UNC5D: variants seen among roughly 807,000 people sequenced by gnomAD.
UNC5D encodes netrin receptor UNC5D.
UNC5D carries 39 observed loss-of-function variants against 105.4 expected under a neutral mutation model. The ratio of observed to expected loss-of-function variants is 0.37; its 90% CI spans 0.29 to 0.48. The LOEUF (loss-of-function observed/expected upper bound fraction) is 0.48. UNC5D is among the 20% of genes least tolerant of loss of function. UNC5D has a pLI of 0.98. For missense variants in UNC5D, 991 were observed against 1,202.4 expected (o/e 0.82, Z 2.60); for synonymous variants, 452 against 450.4 (o/e 1.00, Z -0.04).
At chr8:35,432,402 TTCTTTC>T (rs1334841868) in intron 1 of UNC5D, among the ~76,000 whole-genome samples, 1 of 152,180 alleles carries the variant, frequency 6.6e-6, no homozygotes, top group East Asian at 1.9e-4. Context: ...ATGTTTAATT[TTCTTTC>T]TCTTGTTTTA....
intron 1 of UNC5D, among the ~76,000 whole-genome samples, chr8:35,547,285 CTTT>C (rs11363785): frequency 0.15 from 19,541 of 127,830 alleles, 1,660 homozygotes; most frequent in Admixed American, 0.26. Context: ...GAACATTACT[CTTT>C]TTTTTTTTTT....
intron 1 of UNC5D, among the ~76,000 whole-genome samples, chr8:35,305,512 C>G (rs1157462894): frequency 6.6e-6 from 1 of 151,954 alleles, no homozygotes; most frequent in East Asian, 1.9e-4. Context: ...CACTTTGATA[C>G]CAAGACTTTT....
intron 1 of UNC5D, among the ~76,000 whole-genome samples, chr8:35,446,944 A>G (rs1807836860): frequency 6.6e-6 from 1 of 152,114 alleles, no homozygotes; most frequent in African/African-American, 2.4e-5. Flanking sequence ...TCATCTTCAC[A>G]GGGATATCCA....
intron 11 of UNC5D, among the ~76,000 whole-genome samples, chr8:35,739,822 A>C (rs1390092038): frequency 6.6e-6 from 1 of 152,196 alleles, no homozygotes; most frequent in Non-Finnish European, 1.5e-5. Context: ...AGCCTAATAA[A>C]AATACCCAAA....
chr8:35,328,587 C>T (rs533696810), intron 1 of UNC5D, among the ~76,000 whole-genome samples: 1 of 152,102 alleles, frequency 6.6e-6, no homozygotes, highest in Non-Finnish European at 1.5e-5. Context: ...TGTGGATCTC[C>T]TTTCTTATAA....
At chr8:35,600,132 T>C (rs1819761276) in intron 4 of UNC5D, among the ~76,000 whole-genome samples, 1 of 152,204 alleles carries the variant, frequency 6.6e-6, no homozygotes, top group Non-Finnish European at 1.5e-5. Context: ...GGACATGAAC[T>C]CATCATTTTT....
At chr8:35,494,442 T>C (rs1811418042) in intron 1 of UNC5D, among the ~76,000 whole-genome samples, 1 of 152,168 alleles carries the variant, frequency 6.6e-6, no homozygotes. Context: ...TCTAGAAACT[T>C]TACTTCTGCT....
intron 4 of UNC5D, among the ~76,000 whole-genome samples, chr8:35,615,009 A>G (rs997926512): frequency 1.4e-5 from 2 of 147,520 alleles, no homozygotes; most frequent in Non-Finnish European, 3.0e-5. Context: ...CAGGAGTTCA[A>G]GACCAGCCTG....
intron 1 of UNC5D, among the ~76,000 whole-genome samples, chr8:35,469,923 C>G (rs1424474154): frequency 6.6e-6 from 1 of 152,200 alleles, no homozygotes. Flanking sequence ...GACACTGGAA[C>G]TTCTTGCCCT....
At chr8:35,647,112 TAAACA>T (rs929222983) in intron 4 of UNC5D, among the ~76,000 whole-genome samples, 2 of 152,266 alleles carry the variant, frequency 1.3e-5, no homozygotes, top group East Asian at 1.9e-4. Flanking sequence ...CTGCATCTTA[TAAACA>T]AAACAAAACA....
chr8:35,349,194 G>A (rs1304927283), intron 1 of UNC5D, among the ~76,000 whole-genome samples: 9 of 151,790 alleles, frequency 5.9e-5, no homozygotes. Context: ...AGATATTGAT[G>A]GCATTCTTTT....
intron 4 of UNC5D, among the ~76,000 whole-genome samples, chr8:35,633,436 G>A (rs767946713): frequency 3.3e-5 from 5 of 151,834 alleles, no homozygotes; most frequent in Non-Finnish European, 5.9e-5. Flanking sequence ...TTTTATGTGA[G>A]ATTTTTTTTT....
chr8:35,430,025 G>C (rs1005493282), intron 1 of UNC5D, among the ~76,000 whole-genome samples: 5 of 152,082 alleles, frequency 3.3e-5, no homozygotes, highest in Non-Finnish European at 1.5e-5. Flanking sequence ...AATATCCCTG[G>C]AGTCCCCAAG....
intron 1 of UNC5D, among the ~76,000 whole-genome samples, chr8:35,491,502 C>G (rs2053341): frequency 6.6e-6 from 1 of 152,188 alleles, no homozygotes; most frequent in African/African-American, 2.4e-5. Flanking sequence ...ACTAATTTTT[C>G]AAACTGAAAT....
chr8:35,776,250 A>C (rs1337673986), intron 16 of UNC5D, among the ~76,000 whole-genome samples: 1 of 152,226 alleles, frequency 6.6e-6, no homozygotes, highest in Non-Finnish European at 1.5e-5. Flanking sequence ...TCTAAACTAT[A>C]TTAAGTCTAA....
At chr8:35,662,921 C>T (rs1038377888) in intron 4 of UNC5D, among the ~76,000 whole-genome samples, 1 of 152,088 alleles carries the variant, frequency 6.6e-6, no homozygotes, top group Non-Finnish European at 1.5e-5. Context: ...CTCATAGGAG[C>T]GCAAACTCTC....
intron 1 of UNC5D, among the ~76,000 whole-genome samples, chr8:35,282,486 A>G (rs1314133409): frequency 6.6e-6 from 1 of 152,192 alleles, no homozygotes; most frequent in African/African-American, 2.4e-5. Context: ...TCTCTTCAAT[A>G]GGGCATAAGG....
chr8:35,697,058 G>A (rs1826832696), intron 7 of UNC5D, among the ~76,000 whole-genome samples: 1 of 151,846 alleles, frequency 6.6e-6, no homozygotes, highest in South Asian at 2.1e-4. Context: ...TGTAAAATGA[G>A]GAAACTGAGC....
rs7000684 is a variant in UNC5D at position 35,394,325 on chromosome 8, A to T, written c.104-154967A>T. On this transcript the variant is annotated intron_variant, in intron 1 of 16. Coordinates refer to ENST00000404895, the MANE Select transcript of UNC5D (RefSeq NM_080872.4). ...AACAGTAAAATTCTATTTGTGGTAT[A>T]TTTCTCATGTTTCTTGATCTGGAAA... Among the ~76,000 whole-genome samples the T allele has an allele frequency of 6.8e-3, 1,040 of 152,284 alleles. 16 individuals are homozygous for T. Among genetic ancestry groups the T allele is most frequent in the African/African-American group, 0.024 (998 of 41,570 alleles).
Sources: gnomAD v4.1 joint callset for allele counts (sites outside exome capture counted in the v4.1 genomes callset) on GRCh38, gnomAD v4.1.1 for gene constraint, MANE v1.5 for transcripts, NCBI Gene and HGNC (gene_info 2026-07-23, HGNC 2026-07-21) for gene names.